ZSWIM6: variants seen among roughly 807,000 people sequenced by gnomAD.
ZSWIM6 encodes zinc finger SWIM domain-containing protein 6.
Under a neutral mutation model 113.2 loss-of-function variants are expected in ZSWIM6, and 9 were observed. The observed-to-expected ratio is 0.08, with a 90% CI of 0.05 to 0.14. The LOEUF (loss-of-function observed/expected upper bound fraction) is 0.14, where lower values mean the gene tolerates loss of function less well. Among genes scored for constraint, ZSWIM6 ranks in the 10% least tolerant of loss-of-function variants. The pLI is 1.00. For missense variants in ZSWIM6, 1,162 were observed against 1,552.2 expected (o/e 0.75, Z 4.22); for synonymous variants, 611 against 606.5 (o/e 1.01, Z -0.11).
intron 1 of ZSWIM6, chr5:61,375,613 A>G (rs1745357186): frequency 3.9e-6 from 6 of 1,536,890 alleles, no homozygotes; most frequent in Non-Finnish European, 5.3e-6. Context: ...AAAAGATGGA[A>G]CTGAGAAAGA....
intron 4 of ZSWIM6, among the ~76,000 whole-genome samples, chr5:61,508,408 A>G (rs1748686072): frequency 6.6e-6 from 1 of 152,212 alleles, no homozygotes; most frequent in South Asian, 2.1e-4. Flanking sequence ...GATACCTTTT[A>G]TACTATTAAA....
chr5:61,486,274 A>T (rs1439668562), intron 2 of ZSWIM6, among the ~76,000 whole-genome samples: 4 of 152,114 alleles, frequency 2.6e-5, no homozygotes, highest in African/African-American at 4.8e-5. Flanking sequence ...ATGGTGCTGC[A>T]TGGATGTGAT....
At chr5:61,468,436 A>G (rs1007696997) in intron 1 of ZSWIM6, among the ~76,000 whole-genome samples, 1 of 152,236 alleles carries the variant, frequency 6.6e-6, no homozygotes, top group South Asian at 2.1e-4. Flanking sequence ...AAAGGTTTAT[A>G]TAATTTATGT....
intron 1 of ZSWIM6, among the ~76,000 whole-genome samples, chr5:61,404,441 C>A (rs573738925): frequency 6.6e-6 from 1 of 152,172 alleles, no homozygotes; most frequent in East Asian, 1.9e-4. Context: ...TCTCCAGCTC[C>A]TCTAAGCCAT....
chr5:61,366,915 G>A (rs370478974), intron 1 of ZSWIM6, among the ~76,000 whole-genome samples: 1 of 142,148 alleles, frequency 7.0e-6, no homozygotes, highest in African/African-American at 2.6e-5. Flanking sequence ...GTGACAGAGC[G>A]ATCTGCTGTC....
chr5:61,333,214 G>T (rs1470416762), intron 1 of ZSWIM6, among the ~76,000 whole-genome samples: 2 of 151,888 alleles, frequency 1.3e-5, no homozygotes, highest in South Asian at 2.1e-4. Flanking sequence ...CCCCCGGCCC[G>T]CGCTCCCCTA....
At chr5:61,538,200 A>G (rs1417102974) in intron 10 of ZSWIM6, among the ~76,000 whole-genome samples, 2 of 152,260 alleles carry the variant, frequency 1.3e-5, no homozygotes, top group African/African-American at 4.8e-5. Flanking sequence ...CTTAGGTCAC[A>G]TTTATCTTCT....
chr5:61,447,750 T>G (rs1375029922), intron 1 of ZSWIM6, among the ~76,000 whole-genome samples: 1 of 152,174 alleles, frequency 6.6e-6, no homozygotes, highest in African/African-American at 2.4e-5. Context: ...GTCTTGCAAG[T>G]AGCTGCACAG....
At position 61,543,507 on chromosome 5, in the gene ZSWIM6, C is replaced by G; in HGVS notation, c.2838C>G (p.Pro946=). ...AGACCTGGTTTACACTCTTTACTCC[C>G]ACCGAGGCCACAAGTATAGTTGCAA... ...IMQTWFTLFT[P]TEATSIVATT... The change falls in exon 14 of 14, where the codon CCC becomes CCG. Residue 946 remains proline, a synonymous_variant. Coordinates refer to ENST00000252744, the MANE Select transcript of ZSWIM6 (RefSeq NM_020928.2). The surrounding 1 kb of genome is among the most constrained non-coding windows in gnomAD (Gnocchi z 4.3). The G allele has an allele frequency of 6.4e-7, 1 of 1,551,502 alleles. No homozygotes were observed. The highest frequency in any genetic ancestry group is 8.7e-7 in the Non-Finnish European group (1 of 1,147,000).
intron 4 of ZSWIM6, among the ~76,000 whole-genome samples, chr5:61,508,131 T>G (rs1748676219): frequency 6.6e-6 from 1 of 152,176 alleles, no homozygotes; most frequent in South Asian, 2.1e-4. Context: ...AAAATACGTG[T>G]AAAGCATTCA....
At chr5:61,381,744 G>C (rs547384105) in intron 1 of ZSWIM6, among the ~76,000 whole-genome samples, 1 of 152,254 alleles carries the variant, frequency 6.6e-6, no homozygotes, top group Non-Finnish European at 1.5e-5. Context: ...CCACAAGAAG[G>C]GCTCTTTTTC....
At position 61,495,203 on chromosome 5, in the gene ZSWIM6, T is replaced by C. The variant is rs190290878; in HGVS notation, c.1333+793T>C. 1.2e-4 allele frequency among the ~76,000 whole-genome samples: 18 copies of C among 152,306 alleles called. No homozygotes were observed. In the East Asian group the frequency reaches 3.5e-3, roughly 29 times the overall value. On this transcript the variant is annotated intron_variant, in intron 4 of 13. Transcript: ENST00000252744. ...TAGTCTTAGTGAAATTTTTCTTGGC[T>C]AATGATGGACCACATCATGCTGATT... is the stretch of plus-strand genomic sequence containing the variant.
At position 61,472,858 on chromosome 5, in the gene ZSWIM6, A is replaced by C. The variant is rs1387118155; in HGVS notation, c.854A>C (p.Lys285Thr). 6.4e-7 allele frequency: 1 copy of C among 1,551,622 alleles called. No individual in the cohort carries two copies. Among genetic ancestry groups the C allele is most frequent in the African/African-American group, 1.4e-5 (1 of 73,050 alleles). ...VVALSLYRIR[K>T]PDQVKLHLPI... ...GCACTGTCTTTATACCGCATCCGCA[A>C]GCCAGATCAGGTCAAACTGCATCTT... Residue 285 changes from lysine to threonine, a missense_variant, in exon 2 of 14, where the codon AAG becomes ACG. Around this residue, in one of 4 missense-constraint regions of ZSWIM6, gnomAD observed 96 missense variants for 240.3 expected, o/e 0.40. Coordinates refer to ENST00000252744, the MANE Select transcript of ZSWIM6 (RefSeq NM_020928.2). The surrounding 1 kb of genome is among the most constrained non-coding windows in gnomAD (Gnocchi z 4.1).
chr5:61,478,947 G>T (rs1023783253), intron 2 of ZSWIM6, among the ~76,000 whole-genome samples: 5 of 152,136 alleles, frequency 3.3e-5, no homozygotes, highest in African/African-American at 1.2e-4. Flanking sequence ...AAGGTGAGTG[G>T]ATCACTTGAT....
chr5:61,351,728 T>C (rs1332884676), intron 1 of ZSWIM6, among the ~76,000 whole-genome samples: 1 of 152,196 alleles, frequency 6.6e-6, no homozygotes, highest in Non-Finnish European at 1.5e-5. Flanking sequence ...ATATTTTCAG[T>C]GAAGTTTAGA....
At chr5:61,409,071 GTTTT>G (rs745675137) in intron 1 of ZSWIM6, among the ~76,000 whole-genome samples, 7 of 118,706 alleles carry the variant, frequency 5.9e-5, no homozygotes, top group African/African-American at 1.3e-4. Context: ...GAGGGGAAAG[GTTTT>G]TTTTTTTTTT....
chr5:61,336,172 A>G (rs953165022), intron 1 of ZSWIM6, among the ~76,000 whole-genome samples: 1 of 151,482 alleles, frequency 6.6e-6, no homozygotes, highest in African/African-American at 2.4e-5. Flanking sequence ...GCTGAGGTGG[A>G]AGGATCACTT....
intron 1 of ZSWIM6, among the ~76,000 whole-genome samples, chr5:61,446,795 CATA>C (rs1430020170): frequency 2.0e-5 from 3 of 152,106 alleles, no homozygotes; most frequent in African/African-American, 4.8e-5. Flanking sequence ...GTAGACAAAA[CATA>C]ATAACATAAA....
chr5:61,514,014 T>C (rs1342218077), intron 4 of ZSWIM6, among the ~76,000 whole-genome samples: 1 of 152,130 alleles, frequency 6.6e-6, no homozygotes, highest in Non-Finnish European at 1.5e-5. Context: ...AATATATAGA[T>C]CAATTTGGGG....
Sources: gnomAD v4.1 joint callset for allele counts (sites outside exome capture counted in the v4.1 genomes callset) on GRCh38, gnomAD v4.1.1 for gene constraint, gnomAD v4.1.1 regional missense constraint, Gnocchi (gnomAD v3.1) non-coding constraint, MANE v1.5 for transcripts, NCBI Gene and HGNC (gene_info 2026-07-23, HGNC 2026-07-21) for gene names.